Variants in DNAH8 observed in about 807,000 individuals in gnomAD.
The protein encoded by DNAH8 is axonemal beta dynein heavy chain 8.
Under a neutral mutation model 562.1 loss-of-function variants are expected in DNAH8, and 382 were observed. The ratio of observed to expected loss-of-function variants is 0.68; its 90% CI spans 0.63 to 0.74. The LOEUF (loss-of-function observed/expected upper bound fraction) is 0.74, where lower values mean the gene tolerates loss of function less well. DNAH8 is among the 30% of genes least tolerant of loss of function. The pLI, the probability that DNAH8 is intolerant of heterozygous loss-of-function variation, is 0.00. For synonymous variants in DNAH8, 1,881 were observed against 1,919.4 expected (o/e 0.98, Z 0.52); for missense variants, 5,203 against 5,620.4 (o/e 0.93, Z 2.37).
At chr6:38,816,454 A>G (rs1361824792) in intron 26 of DNAH8, among the ~76,000 whole-genome samples, 2 of 152,188 alleles carry the variant, frequency 1.3e-5, no homozygotes, top group African/African-American at 2.4e-5. Context: ...TCCATGGTGT[A>G]TATGTACCAC....
chr6:38,730,472 A>G (rs1463241625), intron 4 of DNAH8, among the ~76,000 whole-genome samples: 2 of 152,200 alleles, frequency 1.3e-5, no homozygotes, highest in African/African-American at 4.8e-5. Flanking sequence ...ATAACTAGAT[A>G]TGTGGGTTTC....
intron 3 of DNAH8, among the ~76,000 whole-genome samples, chr6:38,726,265 T>C (rs1400633670): frequency 6.6e-6 from 1 of 152,224 alleles, no homozygotes; most frequent in Non-Finnish European, 1.5e-5. Context: ...GCCTGATCAC[T>C]GCCTTCATGA....
chr6:38,799,995 C>G (rs1287368106), intron 21 of DNAH8, among the ~76,000 whole-genome samples: 1 of 152,184 alleles, frequency 6.6e-6, no homozygotes, highest in African/African-American at 2.4e-5. Context: ...GTCACCCAGA[C>G]TGGAATGCAG....
chr6:38,803,713 T>C (rs553101542), intron 22 of DNAH8, among the ~76,000 whole-genome samples: 4 of 149,786 alleles, frequency 2.7e-5, no homozygotes, highest in Non-Finnish European at 4.5e-5. Flanking sequence ...ATTCTATAAT[T>C]TTCTTGAATC....
chr6:38,731,512 G>T (rs1261601621), intron 4 of DNAH8, among the ~76,000 whole-genome samples: 1 of 152,142 alleles, frequency 6.6e-6, no homozygotes, highest in Admixed American at 6.5e-5. Context: ...AATTTAGGTT[G>T]TTTACAACTT....
intron 45 of DNAH8, among the ~76,000 whole-genome samples, chr6:38,865,496 A>T (rs865920582): frequency 5.9e-5 from 9 of 152,324 alleles, no homozygotes; most frequent in African/African-American, 2.2e-4. Context: ...GTAGTTTAAC[A>T]TGTAAGGATT....
rs1764679816 is a variant in DNAH8, at chr6:38,990,126, C to T, written c.13168C>T (p.Leu4390=). 1 of 1,611,680 alleles carries T rather than the reference C, an allele frequency of 6.2e-7. No homozygotes were observed. Among genetic ancestry groups the T allele is most frequent in the Admixed American group, 1.7e-5 (1 of 59,952 alleles). ...YFEYIQSLPS[L]DNPEVFGLHP... is the part of the protein sequence containing the mutation. Reference sequence around the variant, plus strand: ...TGAATACATCCAGTCACTGCCATCCCTAGATAACCCTGAAGTCTTTGGGCT... The same window carrying T: ...TGAATACATCCAGTCACTGCCATCCTTAGATAACCCTGAAGTCTTTGGGCT... Residue 4390 remains leucine (L), a synonymous_variant, in exon 88 of 93, where the codon CTA becomes TTA. Coordinates refer to ENST00000327475, the MANE Select transcript of DNAH8 (RefSeq NM_001206927.2).
intron 60 of DNAH8, among the ~76,000 whole-genome samples, chr6:38,896,616 A>G (rs558365119): frequency 6.6e-6 from 1 of 151,998 alleles, no homozygotes; most frequent in African/African-American, 2.4e-5. Flanking sequence ...CAAAAAAACA[A>G]AAAAGAGAGA....
At chr6:38,841,189 C>T (rs1774751160) in intron 33 of DNAH8, among the ~76,000 whole-genome samples, 1 of 152,166 alleles carries the variant, frequency 6.6e-6, no homozygotes. Context: ...GAGGCTGAGG[C>T]GGGCCGATCA....
At position 38,851,629 on chromosome 6, in the gene DNAH8, TCTC is replaced by T. The variant is rs1453019357; in HGVS notation, c.5424_5426del (p.Leu1809del). 6.2e-7 allele frequency: 1 copy of T among 1,612,126 alleles called. No homozygotes were observed. The highest frequency in any genetic ancestry group is 1.3e-5 in the African/African-American group (1 of 74,928). On this transcript the variant is annotated inframe_deletion, in exon 39 of 93. Transcript: ENST00000327475. ...GATTCTTCTTTGTATCTGATCCAGT[TCTC>T]CTGGAAATTCTTGGACAAGCCAGTG...
chr6:38,893,215 C>T (rs9470943), intron 58 of DNAH8, among the ~76,000 whole-genome samples: 24,313 of 152,090 alleles, frequency 0.16, 2,315 homozygotes, highest in East Asian at 0.4. Context: ...CATAAGCAGC[C>T]TTCTTTGTAT....
chr6:38,956,477 G>A (rs1015988977), intron 82 of DNAH8, among the ~76,000 whole-genome samples: 4 of 152,158 alleles, frequency 2.6e-5, no homozygotes, highest in Admixed American at 6.5e-5. Context: ...GAACCAATGA[G>A]GTGGGCTTGC....
At chr6:38,758,019 T>A (rs1464303788) in intron 10 of DNAH8, among the ~76,000 whole-genome samples, 2 of 152,346 alleles carry the variant, frequency 1.3e-5, no homozygotes, top group Non-Finnish European at 2.9e-5. Context: ...GGGCTCTTTT[T>A]TGGTGCCATA....
intron 33 of DNAH8, among the ~76,000 whole-genome samples, chr6:38,838,402 C>T (rs1198116152): frequency 6.7e-6 from 1 of 148,994 alleles, no homozygotes; most frequent in Non-Finnish European, 1.5e-5. Flanking sequence ...GCTCCCCTTG[C>T]CTTCTTTTTT....
At chr6:38,762,045 G>A (rs78214280) in intron 11 of DNAH8, among the ~76,000 whole-genome samples, 1 of 151,944 alleles carries the variant, frequency 6.6e-6, no homozygotes, top group Non-Finnish European at 1.5e-5. Flanking sequence ...CATTTCATAC[G>A]CTCTGGCCCC....
rs559665858 is a variant in DNAH8, at chr6:38,823,696, A to C, written c.3847+8A>C. The C allele has an allele frequency of 1.4e-5, 22 of 1,581,124 alleles. No individual in the cohort carries two copies. Among genetic ancestry groups the C allele is most frequent in the Non-Finnish European group, 1.7e-5 (20 of 1,157,394 alleles). On this transcript the variant is annotated splice_region_variant and intron_variant, in intron 28 of 92. Transcript: ENST00000327475. ...CACTTGAATTACATACAGGTATTTT[A>C]AAAATGTTTATTATGTAAAGTATCT...
At position 38,851,593 on chromosome 6, in the gene DNAH8, A is replaced by G. The variant is rs1775749662; in HGVS notation, c.5385A>G (p.Leu1795=). The part of the protein sequence containing the change: ...SLTGYLEKKR[L]LFPRFFFVSD... ...GAAGGTATTTGGAGAAGAAACGATTACTGTTTCCAAGATTCTTCTTTGTAT... is the reference window on the plus strand; with the variant it reads ...GAAGGTATTTGGAGAAGAAACGATTGCTGTTTCCAAGATTCTTCTTTGTAT... The change falls in exon 39 of 93, where the codon TTA becomes TTG. Residue 1795 remains leucine (L), a synonymous_variant. Coordinates refer to ENST00000327475, the MANE Select transcript of DNAH8 (RefSeq NM_001206927.2). 6.2e-7 allele frequency: 1 copy of G among 1,608,448 alleles called. No individual in the cohort carries two copies. The highest frequency in any genetic ancestry group is 8.5e-7 in the Non-Finnish European group (1 of 1,178,184).
chr6:38,742,566 T>A (rs553790693), intron 8 of DNAH8, among the ~76,000 whole-genome samples: 20 of 152,138 alleles, frequency 1.3e-4, no homozygotes, highest in Non-Finnish European at 2.5e-4. Flanking sequence ...CCTCCCAAAG[T>A]GCTGGGATTA....
intron 31 of DNAH8, 111 bp from the exon 32 acceptor site, chr6:38,834,468 T>C (rs1774112639): frequency 4.3e-6 from 3 of 705,106 alleles, no homozygotes; most frequent in African/African-American, 1.8e-5. Flanking sequence ...AATTAAATAA[T>C]TTAAATTAAA....
Sources: gnomAD v4.1 joint callset for allele counts (sites outside exome capture counted in the v4.1 genomes callset) on GRCh38, gnomAD v4.1.1 for gene constraint, MANE v1.5 for transcripts, NCBI Gene and HGNC (gene_info 2026-07-23, HGNC 2026-07-21) for gene names.